NXF3: variants seen among roughly 807,000 people sequenced by gnomAD.
NXF3 encodes the protein TAP-like protein 3.
NXF3 carries 34 observed loss-of-function variants against 48.4 expected under a neutral mutation model. The ratio of observed to expected loss-of-function variants is 0.70; its 90% confidence interval spans 0.53 to 0.93. The LOEUF (loss-of-function observed/expected upper bound fraction) is 0.93, where lower values mean the gene tolerates loss of function less well. Ranked by LOEUF, NXF3 falls within the 40% of genes least tolerant of loss-of-function variation. The pLI is 0.00. For synonymous variants in NXF3, 132 were observed against 145.7 expected (o/e 0.91, Z 0.68); for missense variants, 359 against 406.1 (o/e 0.88, Z 1.00).
chrX:103,083,809 A>C (rs1922079498), intron 3 of NXF3, 117 bp from the exon 4 acceptor site: 1 of 486,111 alleles, frequency 2.1e-6, no homozygotes, highest in East Asian at 3.5e-5. Context: ...ATAGGACAAC[A>C]TCCATTATTG....
intron 8 of NXF3, 69 bp from the exon 9 acceptor site, chrX:103,082,433 C>T: frequency 1.4e-6 from 1 of 708,235 alleles, no homozygotes; most frequent in Non-Finnish European, 2.2e-6. Flanking sequence ...CCCTCAGTCT[C>T]CTCCCTTGCC....
intron 9 of NXF3, 64 bp from the exon 10 acceptor site, chrX:103,080,676 G>A: frequency 9.6e-7 from 1 of 1,042,248 alleles, no homozygotes; most frequent in Admixed American, 2.2e-5. Context: ...CTCCTCATGG[G>A]AGCAATCACA....
intron 7 of NXF3, 60 bp downstream of exon 7, chrX:103,082,944 C>G: frequency 8.7e-7 from 1 of 1,153,057 alleles, no homozygotes; most frequent in Admixed American, 2.2e-5. Flanking sequence ...AACCGTAAGT[C>G]TCCATCTCAC....
chrX:103,079,469 G>A lies in NXF3; in HGVS notation c.1225C>T (p.Arg409Trp), dbSNP rs141099548. ...NIKILKDPYLRGELLKHTKLD... is the reference protein window; with the variant it reads ...NIKILKDPYLWGELLKHTKLD... Reference sequence around the variant, plus strand: ...TTTGTGTGCTTCAGCAGCTCCCCCCGAAGGTCTGTAGAGGAGAAGAGAAGC... The same window carrying A: ...TTTGTGTGCTTCAGCAGCTCCCCCCAAAGGTCTGTAGAGGAGAAGAGAAGC... The change falls in exon 15 of 20, where the codon CGG becomes TGG. Residue 409 changes from arginine to tryptophan, a missense_variant. Coordinates refer to ENST00000395065, the MANE Select transcript of NXF3 (RefSeq NM_022052.2). 1,636 of 1,206,873 alleles carry A rather than the reference G, an allele frequency of 1.4e-3. No homozygotes were observed. The highest frequency in any genetic ancestry group is 1.7e-3 in the Non-Finnish European group (1,519 of 892,481).
Position 103,084,753 on chromosome X carries a change from T to A in NXF3, c.159A>T (p.Ala53=). The part of the protein sequence containing the change: ...SSSHQQQDGD[A]AMHGAHMDSP... ...AGTCCATGTGGGCACCATGCATTGC[T>A]GCATCTCCATCTTGCTGCTGATGGG... Residue 53 remains alanine (A), a synonymous_variant, in exon 2 of 20, where the codon GCA becomes GCT. Coordinates refer to ENST00000395065, the MANE Select transcript of NXF3 (RefSeq NM_022052.2). 1 of 1,212,103 alleles carries A rather than the reference T, an allele frequency of 8.3e-7. No homozygotes were observed. Among genetic ancestry groups the A allele is most frequent in the African/African-American group, 1.7e-5 (1 of 57,905 alleles).
chrX:103,086,162 T>C (rs1302229017), intron 1 of NXF3, among the ~76,000 whole-genome samples: 1 of 111,528 alleles, frequency 9.0e-6, no homozygotes, highest in African/African-American at 3.3e-5. Flanking sequence ...GGCTCACGCC[T>C]GTAATCCCAG....
chrX:103,077,266 T>C (rs972850514), intron 18 of NXF3, among the ~76,000 whole-genome samples: 8 of 72,982 alleles, frequency 1.1e-4, no homozygotes, highest in African/African-American at 3.5e-4. Flanking sequence ...TTTTTTTTTT[T>C]CCGAGACGGA....
At position 103,076,307 on chromosome X, in the gene NXF3, G is replaced by A. The variant is rs1380513143; in HGVS notation, c.1585-6C>T. 4 of 1,208,843 alleles carry A rather than the reference G, an allele frequency of 3.3e-6. No individual in the cohort carries two copies. Among genetic ancestry groups the A allele is most frequent in the Non-Finnish European group, 1.1e-6 (1 of 894,207 alleles). Reference sequence around the variant, plus strand: ...ACTGGTTGTTACGAAGGCAGCTGTGGTGGAGGAAGGACAGGTAACATCCAT... The same window carrying A: ...ACTGGTTGTTACGAAGGCAGCTGTGATGGAGGAAGGACAGGTAACATCCAT... On this transcript the variant is annotated splice_region_variant and splice_polypyrimidine_tract_variant and intron_variant, in intron 18 of 19. Coordinates refer to ENST00000395065, the MANE Select transcript of NXF3 (RefSeq NM_022052.2).
chrX:103,088,819 T>C (rs1922213439), intron 1 of NXF3: 17 of 1,149,156 alleles, frequency 1.5e-5, no homozygotes, highest in Non-Finnish European at 2.0e-5. Flanking sequence ...CAAGTAGAAT[T>C]TGGAAACTTG....
At chrX:103,089,191 G>A in intron 1 of NXF3, 1 of 684,879 alleles carries the variant, frequency 1.5e-6, no homozygotes, top group Non-Finnish European at 2.4e-6. Flanking sequence ...AAAACATTCC[G>A]ACAGGCTCCT....
At chrX:103,085,051 T>A (rs1922112035) in intron 1 of NXF3, among the ~76,000 whole-genome samples, 168 bp from the exon 2 acceptor site, 1 of 111,941 alleles carries the variant, frequency 8.9e-6, no homozygotes, top group Non-Finnish European at 1.9e-5. Flanking sequence ...TGTGGCCTTG[T>A]CCTCTATGGC....
chrX:103,077,787 C>T (rs775772507), intron 17 of NXF3, 41 bp from the exon 18 acceptor site: 2 of 1,190,996 alleles, frequency 1.7e-6, no homozygotes, highest in Non-Finnish European at 2.3e-6. Flanking sequence ...GAGAGAAGGA[C>T]ACCTCCCCAC....
At chrX:103,088,031 A>C in intron 1 of NXF3, 1 of 925,149 alleles carries the variant, frequency 1.1e-6, no homozygotes, top group African/African-American at 1.9e-5. Context: ...TCTGAGTAGA[A>C]TAATCCACTT....
chrX:103,090,832 G>A (rs184097739), intron 1 of NXF3, among the ~76,000 whole-genome samples: 5 of 111,661 alleles, frequency 4.5e-5, no homozygotes, highest in Admixed American at 1.9e-4. Flanking sequence ...TGTTTATTAC[G>A]TAGAGACAGC....
intron 17 of NXF3, among the ~76,000 whole-genome samples, chrX:103,078,077 C>T (rs893822172): frequency 1.8e-5 from 2 of 111,982 alleles, no homozygotes; most frequent in African/African-American, 3.3e-5. Flanking sequence ...ATGCCTTGAC[C>T]AAAGTCACAG....
chrX:103,080,453 C>G, intron 10 of NXF3, 123 bp downstream of exon 10: 1 of 749,489 alleles, frequency 1.3e-6, no homozygotes, highest in Non-Finnish European at 2.1e-6. Flanking sequence ...CCTTCCCCCA[C>G]TCCCTTGAGG....
At chrX:103,081,964 G>T (rs1922024615) in intron 9 of NXF3, 5 of 315,553 alleles carry the variant, frequency 1.6e-5, no homozygotes, top group Non-Finnish European at 2.8e-5. Flanking sequence ...CTGGTCCTGG[G>T]GAAGTGGGGG....
chrX:103,079,395 G>C lies in NXF3; in HGVS notation c.1299C>G (p.Asp433Glu). ...SLSALPKTQHDLSSFLVDMWY... is the reference protein window; with the variant it reads ...SLSALPKTQHELSSFLVDMWY... Reference sequence around the variant, plus strand: ...ACATGTCCACCAGGAAGGAGCTGAGGTCATGCTGAGTTTTAGGCAACGCAC... The same window carrying C: ...ACATGTCCACCAGGAAGGAGCTGAGCTCATGCTGAGTTTTAGGCAACGCAC... The change falls in exon 15 of 20, where the codon GAC becomes GAG. Residue 433 changes from aspartate to glutamate, a missense_variant. Physicochemically the swap from Asp to Glu is conservative, Grantham distance 45. Coordinates refer to ENST00000395065, the MANE Select transcript of NXF3 (RefSeq NM_022052.2). 4.1e-6 allele frequency: 5 copies of C among 1,211,415 alleles called. No homozygotes were observed. The highest frequency in any genetic ancestry group is 5.6e-6 in the Non-Finnish European group (5 of 895,238).
rs1278237380 is a variant in NXF3 at position 103,084,828 on chromosome X, C to T, written c.84G>A (p.Arg28=). 2.3e-5 allele frequency: 28 copies of T among 1,210,209 alleles called. No homozygotes were observed. The highest frequency in any genetic ancestry group is 3.1e-5 in the Non-Finnish European group (28 of 894,913). The change falls in exon 2 of 20, where the codon AGG becomes AGA. Residue 28 remains arginine, a synonymous_variant. Coordinates refer to ENST00000395065, the MANE Select transcript of NXF3 (RefSeq NM_022052.2). ...CAGGTTCAGACCTACTGCTAAATCT[C>T]CTTTGGTAAATATCCCAACATCTTG... ...RRARCWDIYQ[R]RFSSRSEPVN... is the part of the protein sequence containing the mutation.
Sources: allele counts gnomAD v4.1 joint callset (sites outside exome capture counted in the v4.1 genomes callset), GRCh38; gene constraint gnomAD v4.1.1; transcripts MANE v1.5; gene names NCBI Gene and HGNC (gene_info 2026-07-23, HGNC 2026-07-21).